The following QRFPR variants were observed in gnomAD, a reference collection of about 807,000 sequenced individuals.
QRFPR encodes pyroglutamylated RFamide peptide receptor.
A neutral mutation model predicts 31.3 loss-of-function variants in QRFPR; 37 were observed. The observed-to-expected ratio is 1.18, with a 90% confidence interval of 0.91 to 1.56. The LOEUF (loss-of-function observed/expected upper bound fraction) is 1.56. Ranked by LOEUF, QRFPR falls within the 40% of genes most tolerant of loss-of-function variation. The pLI is 0.00. For missense variants in QRFPR, 542 were observed against 532.5 expected (o/e 1.02, Z -0.18); for synonymous variants, 197 against 192.0 (o/e 1.03, Z -0.22).
At chr4:121,372,830 C>T (rs769383077) in intron 1 of QRFPR, among the ~76,000 whole-genome samples, 1 of 152,106 alleles carries the variant, frequency 6.6e-6, no homozygotes, top group Non-Finnish European at 1.5e-5. Context: ...ATTTGTCCAT[C>T]GATGGACACT....
chr4:121,328,790 C>T lies in QRFPR; in HGVS notation c.*524G>A, dbSNP rs1725263193. 6.6e-6 allele frequency among the ~76,000 whole-genome samples: 1 copy of T among 152,144 alleles called. No individual in the cohort carries two copies. Among genetic ancestry groups the T allele is most frequent in the South Asian group, 2.1e-4 (1 of 4,826 alleles). Reference sequence around the variant, plus strand: ...TTTTTTTGAGACGGGGAGTCTCGCTCTTTCGCCCAGGCTGGAGTGCAGTGG... The same window carrying T: ...TTTTTTTGAGACGGGGAGTCTCGCTTTTTCGCCCAGGCTGGAGTGCAGTGG... On this transcript the variant is annotated 3_prime_UTR_variant, in exon 6 of 6. Coordinates refer to ENST00000394427, the MANE Select transcript of QRFPR (RefSeq NM_198179.3).
intron 4 of QRFPR, among the ~76,000 whole-genome samples, chr4:121,331,375 G>T (rs529485239): frequency 2.7e-5 from 4 of 150,504 alleles, no homozygotes; most frequent in Admixed American, 2.0e-4. Flanking sequence ...GTAGAGACGG[G>T]GTCTCACTTT....
At position 121,380,610 on chromosome 4, in the gene QRFPR, CGAGA is replaced by C. The variant is rs1384672144; in HGVS notation, c.34_37del (p.Ser12GlyfsTer8). 10 of 1,599,648 alleles carry C rather than the reference CGAGA, an allele frequency of 6.3e-6. No homozygotes were observed. Among genetic ancestry groups the C allele is most frequent in the African/African-American group, 1.3e-5 (1 of 74,676 alleles). On this transcript the variant is annotated frameshift_variant, in exon 1 of 6. Coordinates refer to ENST00000394427, the MANE Select transcript of QRFPR (RefSeq NM_198179.3). LOFTEE classifies it high-confidence loss of function. ...CGTCAGGTTGTGGTCCCGCAGCAGC[CGAGA>C]GAACTGCTCCGGGGTAATGTTAAGC...
At chr4:121,338,434 T>C (rs72917711) in intron 2 of QRFPR, among the ~76,000 whole-genome samples, 3 of 152,220 alleles carry the variant, frequency 2.0e-5, no homozygotes, top group African/African-American at 7.2e-5. Context: ...CCAATCTGCA[T>C]GTGGCCTAGG....
chr4:121,344,260 C>T (rs756098672), intron 1 of QRFPR, among the ~76,000 whole-genome samples: 1 of 152,112 alleles, frequency 6.6e-6, no homozygotes, highest in African/African-American at 2.4e-5. Flanking sequence ...AGAATGAGTC[C>T]AGGTTGTCAG....
intron 1 of QRFPR, chr4:121,369,604 C>CAG: frequency 6.2e-7 from 1 of 1,611,390 alleles, no homozygotes; most frequent in South Asian, 1.1e-5. Flanking sequence ...GAGAGGGCTT[C>CAG]TGGGCTCCTC....
intron 1 of QRFPR, among the ~76,000 whole-genome samples, chr4:121,347,303 C>T (rs75625660): frequency 0.017 from 2,612 of 152,116 alleles, 66 homozygotes; most frequent in East Asian, 0.11. Flanking sequence ...TCCCATAAAC[C>T]ACTTTTTTTT....
At chr4:121,349,822 A>G (rs1306465661) in intron 1 of QRFPR, among the ~76,000 whole-genome samples, 4 of 152,112 alleles carry the variant, frequency 2.6e-5, no homozygotes, top group Non-Finnish European at 5.9e-5. Flanking sequence ...TACGCATGCT[A>G]CTCTGTATCA....
chr4:121,341,710 C>T (rs574636620), intron 1 of QRFPR, among the ~76,000 whole-genome samples: 54 of 152,214 alleles, frequency 3.5e-4, no homozygotes, highest in African/African-American at 1.2e-3. Flanking sequence ...GTGTAGACTT[C>T]GGTCTCATTG....
intron 1 of QRFPR, among the ~76,000 whole-genome samples, chr4:121,372,187 C>T (rs971464229): frequency 1.3e-5 from 2 of 152,112 alleles, no homozygotes; most frequent in Non-Finnish European, 2.9e-5. Context: ...AAGAAACTGC[C>T]TCACAGTGGC....
chr4:121,346,515 T>C (rs774632124), intron 1 of QRFPR, among the ~76,000 whole-genome samples: 2 of 152,238 alleles, frequency 1.3e-5, no homozygotes, highest in Non-Finnish European at 2.9e-5. Context: ...TCCTTTACAA[T>C]CTGCATATGG....
intron 1 of QRFPR, among the ~76,000 whole-genome samples, chr4:121,350,712 T>C (rs978274040): frequency 1.5e-4 from 23 of 152,206 alleles, no homozygotes; most frequent in African/African-American, 5.1e-4. Context: ...CTATATATCA[T>C]TTTTCTTATA....
chr4:121,360,150 C>T (rs1725961887), intron 1 of QRFPR, among the ~76,000 whole-genome samples: 2 of 152,128 alleles, frequency 1.3e-5, no homozygotes, highest in African/African-American at 4.8e-5. Flanking sequence ...CAAAAACAGT[C>T]AGAGAGCTAT....
intron 1 of QRFPR, among the ~76,000 whole-genome samples, chr4:121,365,218 A>C (rs1466389534): frequency 6.8e-6 from 1 of 147,622 alleles, no homozygotes; most frequent in Non-Finnish European, 1.5e-5. Context: ...GATTCCTAAA[A>C]AGCTGTGGGC....
At chr4:121,358,402 T>G (rs1418657327) in intron 1 of QRFPR, among the ~76,000 whole-genome samples, 2 of 152,202 alleles carry the variant, frequency 1.3e-5, no homozygotes, top group Non-Finnish European at 2.9e-5. Flanking sequence ...TCAGAAGAGA[T>G]GTACACAATC....
At chr4:121,334,107 C>T (rs952880157) in intron 3 of QRFPR, among the ~76,000 whole-genome samples, 3 of 152,176 alleles carry the variant, frequency 2.0e-5, no homozygotes, top group Non-Finnish European at 2.9e-5. Context: ...TTCATTCCAA[C>T]TCCATGGAAG....
At chr4:121,348,415 T>C (rs1335113023) in intron 1 of QRFPR, among the ~76,000 whole-genome samples, 2 of 152,142 alleles carry the variant, frequency 1.3e-5, no homozygotes, top group Admixed American at 6.6e-5. Flanking sequence ...GTGTTTGTTC[T>C]TTTAAGACTT....
chr4:121,329,499 G>T lies in QRFPR; in HGVS notation c.1111C>A (p.Arg371=), dbSNP rs79300690. 4 of 1,613,974 alleles carry T rather than the reference G, an allele frequency of 2.5e-6. No homozygotes were observed. The highest frequency in any genetic ancestry group is 3.4e-6 in the Non-Finnish European group (4 of 1,179,942). ...RHGNSGITMM[R]KKAKFSLREN... is the part of the protein sequence containing the mutation. ...CTGAGGGAAAACTTTGCTTTCTTCC[G>T]CATCATTGTAATTCCTGAATTTCCA... is the stretch of plus-strand genomic sequence containing the variant. Residue 371 remains arginine, a synonymous_variant, in exon 6 of 6, where the codon CGG becomes AGG. Coordinates refer to ENST00000394427, the MANE Select transcript of QRFPR (RefSeq NM_198179.3).
In QRFPR at chr4:121,380,559, C is replaced by A; in HGVS notation, c.89G>T (p.Arg30Leu). ...TGGGGTGTAGACGAGCGGTCGCAGC[C>A]GGTACAGAGCGATGAACTGCTCCCG... ...LTREQFIALY[R>L]LRPLVYTPEL... is the part of the protein sequence containing the mutation. The change falls in exon 1 of 6, where the codon CGG becomes CTG. Residue 30 changes from arginine to leucine, a missense_variant. By Grantham distance (102) the Arg-to-Leu change is moderately radical. Coordinates refer to ENST00000394427, the MANE Select transcript of QRFPR (RefSeq NM_198179.3). 6.2e-7 allele frequency: 1 copy of A among 1,609,248 alleles called. No individual in the cohort carries two copies.
Sources: gnomAD v4.1 joint callset for allele counts (sites outside exome capture counted in the v4.1 genomes callset) on GRCh38, gnomAD v4.1.1 for gene constraint, MANE v1.5 for transcripts, NCBI Gene and HGNC (gene_info 2026-07-23, HGNC 2026-07-21) for gene names.